The following PSTPIP2 variants were observed in gnomAD, a reference collection of about 807,000 sequenced individuals.
PSTPIP2 encodes the protein proline-serine-threonine phosphatase-interacting protein 2.
A neutral mutation model predicts 63.3 loss-of-function variants in PSTPIP2; 33 were observed. That is an observed-to-expected ratio of 0.52 (90% CI 0.40 to 0.70). PSTPIP2 has a LOEUF of 0.70. PSTPIP2 is among the 30% of genes least tolerant of loss of function. PSTPIP2 has a pLI of 0.00. For missense variants in PSTPIP2, 312 were observed against 400.7 expected (o/e 0.78, Z 1.89); for synonymous variants, 125 against 132.7 (o/e 0.94, Z 0.40).
intron 6 of PSTPIP2, among the ~76,000 whole-genome samples, chr18:46,000,413 C>T (rs2051651092): frequency 1.3e-5 from 2 of 152,156 alleles, no homozygotes; most frequent in Admixed American, 6.5e-5. Flanking sequence ...GTCACACAAG[C>T]AGGAGTGCAG....
At chr18:46,062,716 C>T (rs555979822) in intron 1 of PSTPIP2, among the ~76,000 whole-genome samples, 5 of 152,078 alleles carry the variant, frequency 3.3e-5, no homozygotes, top group South Asian at 2.1e-4. Flanking sequence ...GGGGTTTCAC[C>T]GTGTTAGCCA....
chr18:45,995,512 G>A (rs1381788257), intron 9 of PSTPIP2, among the ~76,000 whole-genome samples: 1 of 152,216 alleles, frequency 6.6e-6, no homozygotes, highest in Non-Finnish European at 1.5e-5. Context: ...TCCCCTAAGA[G>A]TGTGGAGTTA....
At position 45,998,777 on chromosome 18, in the gene PSTPIP2, A is replaced by G; in HGVS notation, c.562+17T>C. The G allele has an allele frequency of 6.2e-7, 1 of 1,610,236 alleles. No homozygotes were observed. Among genetic ancestry groups the G allele is most frequent in the South Asian group, 1.1e-5 (1 of 90,894 alleles). On this transcript the variant is annotated intron_variant, in intron 8 of 14. Transcript: ENST00000409746. ...CCACCAGCAACCCTCCCCCATCCGT[A>G]GGAACTGCCCCCTCACCTGAGTCCT...
At position 46,045,120 on chromosome 18, in the gene PSTPIP2, A is replaced by G. The variant is rs545979116; in HGVS notation, c.34-5073T>C. 7.2e-3 allele frequency among the ~76,000 whole-genome samples: 1,101 copies of G among 152,306 alleles called. 12 individuals carry two copies. The highest frequency in any genetic ancestry group is 0.025 in the African/African-American group (1,058 of 41,562). ...GTGTGGCGATTCCTCAGGGATCTAG[A>G]ACTAGAAATACCATTTGACCCAGCC... On this transcript the variant is annotated intron_variant, in intron 1 of 14. Transcript: ENST00000409746.
intron 1 of PSTPIP2, among the ~76,000 whole-genome samples, chr18:46,069,415 T>G (rs545080493): frequency 2.0e-4 from 30 of 151,956 alleles, no homozygotes; most frequent in Non-Finnish European, 3.1e-4. Context: ...CAGGGAAGGG[T>G]GGGAGAGAAA....
At chr18:46,020,410 T>A (rs1273465671) in intron 3 of PSTPIP2, among the ~76,000 whole-genome samples, 5 of 152,078 alleles carry the variant, frequency 3.3e-5, no homozygotes, top group Non-Finnish European at 7.4e-5. Flanking sequence ...ATCCCAGCAC[T>A]TTGGGAGGCT....
At chr18:46,002,479 A>C (rs1490723633) in intron 6 of PSTPIP2, among the ~76,000 whole-genome samples, 1 of 152,092 alleles carries the variant, frequency 6.6e-6, no homozygotes, top group African/African-American at 2.4e-5. Context: ...TCTGTCTTCC[A>C]GTTAACCAAT....
At chr18:46,022,343 C>T (rs1907396089) in intron 3 of PSTPIP2, among the ~76,000 whole-genome samples, 1 of 151,870 alleles carries the variant, frequency 6.6e-6, no homozygotes, top group African/African-American at 2.4e-5. Context: ...AAGAGGAAGG[C>T]CAATGTCCTA....
chr18:46,013,371 C>T lies in PSTPIP2; in HGVS notation c.248-2084G>A, dbSNP rs558918140. On this transcript the variant is annotated intron_variant, in intron 4 of 14. Transcript: ENST00000409746. ...AGAATTACTCAACTAGCTACAGAAA[C>T]ACTTTAAGCAAGCATTAAACATACT... 3.9e-5 allele frequency among the ~76,000 whole-genome samples: 6 copies of T among 152,258 alleles called. No homozygotes were observed. In the East Asian group the frequency reaches 7.7e-4, roughly 20 times the overall value.
At chr18:46,060,746 C>G (rs1908957757) in intron 1 of PSTPIP2, among the ~76,000 whole-genome samples, 1 of 152,210 alleles carries the variant, frequency 6.6e-6, no homozygotes, top group South Asian at 2.1e-4. Context: ...GAGGCTCCGC[C>G]CAGAGGACTG....
intron 1 of PSTPIP2, among the ~76,000 whole-genome samples, chr18:46,064,412 T>G (rs1345978015): frequency 7.2e-6 from 1 of 139,666 alleles, no homozygotes; most frequent in Non-Finnish European, 1.5e-5. Flanking sequence ...TGCCACAGCC[T>G]CCCGAGTAGC....
intron 3 of PSTPIP2, among the ~76,000 whole-genome samples, chr18:46,021,977 T>G (rs1568219503): frequency 6.6e-6 from 1 of 152,014 alleles, no homozygotes; most frequent in Non-Finnish European, 1.5e-5. Flanking sequence ...TTAAAGCATT[T>G]ACATTGTTAA....
intron 1 of PSTPIP2, among the ~76,000 whole-genome samples, chr18:46,071,733 GGGACCGGCAGAGACTCTCCCC>G (rs1214854336): frequency 6.6e-6 from 1 of 152,248 alleles, no homozygotes; most frequent in East Asian, 1.9e-4. Context: ...CTCAGCTCCA[GGGACCGGCAGAGACTCTCCCC>G]GGACGGGTCT....
chr18:46,037,672 C>T (rs1296987157), intron 2 of PSTPIP2, among the ~76,000 whole-genome samples: 1 of 152,142 alleles, frequency 6.6e-6, no homozygotes, highest in Non-Finnish European at 1.5e-5. Flanking sequence ...CACACAGGCT[C>T]AATGACAGCA....
intron 1 of PSTPIP2, among the ~76,000 whole-genome samples, chr18:46,054,073 A>G (rs149447778): frequency 6.6e-6 from 1 of 152,314 alleles, no homozygotes; most frequent in African/African-American, 2.4e-5. Context: ...ACGGCATGTC[A>G]CTGTGTTGAA....
At chr18:46,031,991 C>T (rs906063995) in intron 2 of PSTPIP2, among the ~76,000 whole-genome samples, 1 of 152,078 alleles carries the variant, frequency 6.6e-6, no homozygotes, top group East Asian at 1.9e-4. Context: ...GGTATTTCCC[C>T]GTAAATGGGA....
intron 1 of PSTPIP2, among the ~76,000 whole-genome samples, chr18:46,066,786 T>A (rs1467641684): frequency 6.6e-6 from 1 of 152,194 alleles, no homozygotes; most frequent in East Asian, 1.9e-4. Flanking sequence ...TCCCAGCACT[T>A]TGCCCAGGCG....
chr18:46,068,361 G>A lies in PSTPIP2; in HGVS notation c.33+3795C>T, dbSNP rs113372960. The stretch of plus-strand genomic sequence containing the variant: ...CGCCCAGGCTGGAGTGCAATGGCAC[G>A]ATCTCAGCTCACTGCAAGCTCCACC... On this transcript the variant is annotated intron_variant, in intron 1 of 14. Coordinates refer to ENST00000409746, the MANE Select transcript of PSTPIP2 (RefSeq NM_024430.4). Among the ~76,000 whole-genome samples, 867 of 152,108 alleles carry A rather than the reference G, an allele frequency of 5.7e-3. 5 individuals are homozygous for A. The highest frequency in any genetic ancestry group is 8.4e-3 in the Non-Finnish European group (568 of 67,980).
At chr18:46,047,416 T>C (rs1908421819) in intron 1 of PSTPIP2, among the ~76,000 whole-genome samples, 1 of 152,104 alleles carries the variant, frequency 6.6e-6, no homozygotes, top group Non-Finnish European at 1.5e-5. Context: ...CTACTACAAA[T>C]GCAAAAATTA....
Sources: gnomAD v4.1 joint callset for allele counts (sites outside exome capture counted in the v4.1 genomes callset) on GRCh38, gnomAD v4.1.1 for gene constraint, MANE v1.5 for transcripts, NCBI Gene and HGNC (gene_info 2026-07-23, HGNC 2026-07-21) for gene names.